Variants in PSG2 observed in about 807,000 individuals in gnomAD.
PSG2 encodes the protein pregnancy-specific beta-1-glycoprotein 2.
In PSG2, 49 loss-of-function variants were observed where a neutral mutation model predicts 36.2. That is an observed-to-expected ratio of 1.35 (90% confidence interval 1.08 to 1.72). The LOEUF is 1.72. Ranked by LOEUF, PSG2 falls within the 40% of genes most tolerant of loss-of-function variation. The probability of loss-of-function intolerance (pLI) is 0.00; values close to 1 mark genes in which losing one functional copy is unlikely to be tolerated. For synonymous variants in PSG2, 261 were observed against 155.6 expected (o/e 1.68, Z -5.04); for missense variants, 605 against 407.2 (o/e 1.49, Z -4.18).
intron 4 of PSG2, among the ~76,000 whole-genome samples, chr19:43,071,083 G>GC (rs1380109154): frequency 6.6e-6 from 1 of 151,474 alleles, no homozygotes; most frequent in African/African-American, 2.4e-5. Flanking sequence ...CTGCAGCCTG[G>GC]CCCGGGGGAG....
intron 2 of PSG2, among the ~76,000 whole-genome samples, chr19:43,079,531 C>T (rs919478837): frequency 6.6e-6 from 1 of 151,572 alleles, no homozygotes; most frequent in Non-Finnish European, 1.5e-5. Context: ...GTGTGTGTCT[C>T]TCACTGGGCC....
chr19:43,068,058 T>A (rs1292760668), intron 4 of PSG2, among the ~76,000 whole-genome samples: 1 of 151,402 alleles, frequency 6.6e-6, no homozygotes, highest in African/African-American at 2.4e-5. Context: ...AAGTTGATTC[T>A]TCAAAATAAA....
intron 5 of PSG2, among the ~76,000 whole-genome samples, 154 bp from the exon 6 acceptor site, chr19:43,064,755 T>C (rs1203518467): frequency 6.6e-6 from 1 of 151,866 alleles, no homozygotes; most frequent in Non-Finnish European, 1.5e-5. Flanking sequence ...CATAGAAATC[T>C]AGTTACTTCT....
intron 4 of PSG2, among the ~76,000 whole-genome samples, chr19:43,067,606 G>T (rs536477220): frequency 6.6e-6 from 1 of 151,326 alleles, no homozygotes; most frequent in Non-Finnish European, 1.5e-5. Flanking sequence ...CAGAAGCTTA[G>T]CGTGGTGTAA....
intron 4 of PSG2, among the ~76,000 whole-genome samples, chr19:43,066,983 G>C (rs1234410143): frequency 6.6e-6 from 1 of 151,006 alleles, no homozygotes; most frequent in African/African-American, 2.5e-5. Context: ...TCCATGGCAG[G>C]GACCTGATTG....
intron 4 of PSG2, among the ~76,000 whole-genome samples, chr19:43,069,710 A>T (rs1333465912): frequency 1.3e-5 from 2 of 151,736 alleles, no homozygotes; most frequent in Non-Finnish European, 2.9e-5. Context: ...CCCATAATAG[A>T]TCAAAGATCT....
At chr19:43,066,688 C>T in intron 4 of PSG2, 88 bp from the exon 5 acceptor site, 3 of 1,419,770 alleles carry the variant, frequency 2.1e-6, no homozygotes, top group Non-Finnish European at 3.0e-6. Flanking sequence ...ACATGAGGTA[C>T]TCTATAATTG....
intron 4 of PSG2, among the ~76,000 whole-genome samples, chr19:43,068,095 A>T (rs564668371): frequency 6.6e-6 from 1 of 151,586 alleles, no homozygotes; most frequent in Admixed American, 6.6e-5. Flanking sequence ...ACCATTAACT[A>T]GATTGACTAA....
In PSG2 at chr19:43,079,077, C is replaced by G. The variant is rs561632732; in HGVS notation, c.430+1804G>C. ...GAAGGAAGGGAACAGAACAGCCAGC[C>G]TAGTTAGAGGGAGTGTCTGGGGAAG... On this transcript the variant is annotated intron_variant, in intron 2 of 5. Coordinates refer to ENST00000406487, the MANE Select transcript of PSG2 (RefSeq NM_031246.4). Among the ~76,000 whole-genome samples, 433 of 151,720 alleles carry G rather than the reference C, an allele frequency of 2.9e-3. 12 individuals are homozygous for G. The highest frequency in any genetic ancestry group is 0.01 in the African/African-American group (415 of 41,146).
chr19:43,072,624 G>T (rs1311501979), intron 3 of PSG2: 3 of 1,611,372 alleles, frequency 1.9e-6, no homozygotes, highest in Non-Finnish European at 2.5e-6. Context: ...GGCTTGGGCA[G>T]CTTCGCTGTG....
At chr19:43,073,682 G>A (rs1231160058) in intron 3 of PSG2, among the ~76,000 whole-genome samples, 1 of 151,616 alleles carries the variant, frequency 6.6e-6, no homozygotes, top group Non-Finnish European at 1.5e-5. Context: ...TGGGAGTGGG[G>A]AGAATCAGAA....
At chr19:43,081,392 CACACACAA>C (rs903128224) in intron 1 of PSG2, 146 bp from the exon 2 acceptor site, 2 of 1,202,152 alleles carry the variant, frequency 1.7e-6, no homozygotes, top group Non-Finnish European at 2.2e-6. Flanking sequence ...CACACACACA[CACACACAA>C]AAGGGGCATG....
intron 3 of PSG2, among the ~76,000 whole-genome samples, chr19:43,073,456 T>G (rs2122904775): frequency 6.6e-6 from 1 of 151,436 alleles, no homozygotes; most frequent in African/African-American, 2.5e-5. Flanking sequence ...AAAGCAGAAC[T>G]GACTGGTGGA....
At position 43,078,412 on chromosome 19, in the gene PSG2, C is replaced by A. The variant is rs1412911721; in HGVS notation, c.430+2469G>T. ...TGGCTGGAGTTGACAAAATTTGTAA[C>A]TAATTGATCCTATAGATAACATCAC... On this transcript the variant is annotated intron_variant, in intron 2 of 5. Coordinates refer to ENST00000406487, the MANE Select transcript of PSG2 (RefSeq NM_031246.4). Among the ~76,000 whole-genome samples the A allele has an allele frequency of 2.6e-5, 4 of 151,686 alleles. 1 individual carries two copies. Among genetic ancestry groups the A allele is most frequent in the African/African-American group, 9.7e-5 (4 of 41,076 alleles).
At chr19:43,079,522 T>G (rs1967941649) in intron 2 of PSG2, among the ~76,000 whole-genome samples, 1 of 151,532 alleles carries the variant, frequency 6.6e-6, no homozygotes, top group Non-Finnish European at 1.5e-5. Flanking sequence ...CTCCTGAGTG[T>G]GTGTGTCTCT....
At chr19:43,072,494 A>G in intron 3 of PSG2, 2 of 1,611,260 alleles carry the variant, frequency 1.2e-6, no homozygotes, top group East Asian at 4.5e-5. Context: ...CCTGGGACTG[A>G]CCGGGAGGCT....
Position 43,072,204 on chromosome 19 carries a change from A to G in PSG2, c.710-250T>C, listed in dbSNP as rs999419890. ...TTCTTGGTTAAGGCTGTGCCTACCC[A>G]GGTTTTCCCAGGGCAGGGAGTCATG... On this transcript the variant is annotated intron_variant, in intron 3 of 5. Coordinates refer to ENST00000406487, the MANE Select transcript of PSG2 (RefSeq NM_031246.4). The G allele has an allele frequency of 3.8e-5, 54 of 1,420,746 alleles. 1 individual carries two copies. In the African/African-American group the frequency reaches 7.4e-4, roughly 19 times the overall value. The allele number at this position is 1,420,746 out of a possible 1,614,324, so 88.0% of individuals were successfully genotyped here.
intron 2 of PSG2, among the ~76,000 whole-genome samples, chr19:43,079,695 T>A (rs1043645664): frequency 2.0e-5 from 3 of 151,658 alleles, no homozygotes; most frequent in Non-Finnish European, 2.9e-5. Context: ...TTTTTTGCAC[T>A]GATTCTGACA....
rs771721739 is a variant in PSG2 at position 43,071,871 on chromosome 19, A to G, written c.793T>C (p.Ser265Pro). ...DNLYLSCFAN[S>P]NPPAQYSWTI... is the part of the protein sequence containing the mutation. ...CAAGAATACTGTGCCGGTGGGTTAG[A>G]GTTCGCGAAGCAAGACAAGTAGAGG... The change falls in exon 4 of 6, where the codon TCT becomes CCT. Residue 265 changes from serine to proline, a missense_variant. Physicochemically the swap from Ser to Pro is moderately conservative, Grantham distance 74. Transcript: ENST00000406487. 1 of 1,613,130 alleles carries G rather than the reference A, an allele frequency of 6.2e-7. No individual in the cohort carries two copies. Among genetic ancestry groups the G allele is most frequent in the Non-Finnish European group, 8.5e-7 (1 of 1,179,594 alleles).
Sources: gnomAD v4.1 joint callset for allele counts (sites outside exome capture counted in the v4.1 genomes callset) on GRCh38, gnomAD v4.1.1 for gene constraint, MANE v1.5 for transcripts, NCBI Gene and HGNC (gene_info 2026-07-23, HGNC 2026-07-21) for gene names.